Variants in TPCN1 observed in about 807,000 individuals in gnomAD.
The protein encoded by TPCN1 is two pore segment channel 1, also known as two pore channel protein 1.
Under a neutral mutation model 108.8 loss-of-function variants are expected in TPCN1, and 52 were observed. The ratio of observed to expected loss-of-function variants is 0.48; its 90% CI spans 0.38 to 0.60. The LOEUF (loss-of-function observed/expected upper bound fraction) is 0.60, where lower values mean the gene tolerates loss of function less well. Among genes scored for constraint, TPCN1 ranks in the 20% least tolerant of loss-of-function variants. The pLI is 0.00. For synonymous variants in TPCN1, 446 were observed against 433.7 expected (o/e 1.03, Z -0.35); for missense variants, 806 against 1,072.8 (o/e 0.75, Z 3.47).
chr12:113,288,099 T>G lies in TPCN1; in HGVS notation c.1635-64T>G. 1 of 1,501,926 alleles carries G rather than the reference T, an allele frequency of 6.7e-7. No homozygotes were observed. Among genetic ancestry groups the G allele is most frequent in the Admixed American group, 1.8e-5 (1 of 56,076 alleles). 93.0% of individuals were successfully genotyped at this position (1,501,926 alleles called of 1,614,324 possible). The stretch of plus-strand genomic sequence containing the variant: ...GCGTGTGGAAGGCGGGGCCGGCATG[T>G]TCTGAGGGCGGGGGCTGAGGCGTGC... On this transcript the variant is annotated intron_variant, in intron 19 of 27. Coordinates refer to ENST00000335509, the MANE Select transcript of TPCN1 (RefSeq NM_017901.6). The surrounding 1 kb of genome is among the most constrained non-coding windows in gnomAD (Gnocchi z 4.8).
At position 113,268,280 on chromosome 12, in the gene TPCN1, C is replaced by T. The variant is rs1955356418; in HGVS notation, c.528+324C>T. Among the ~76,000 whole-genome samples, 2 of 152,222 alleles carry T rather than the reference C, an allele frequency of 1.3e-5. No individual in the cohort carries two copies. The highest frequency in any genetic ancestry group is 2.4e-5 in the African/African-American group (1 of 41,464). The stretch of plus-strand genomic sequence containing the variant: ...CCAGCTCTGCCCACTGCGCCCGGCT[C>T]ACCTGTCCCTAGTGTTGCGCATATT... On this transcript the variant is annotated intron_variant, in intron 5 of 27. Coordinates refer to ENST00000335509, the MANE Select transcript of TPCN1 (RefSeq NM_017901.6). The surrounding 1 kb of genome is among the most constrained non-coding windows in gnomAD (Gnocchi z 7.3).
intron 3 of TPCN1, among the ~76,000 whole-genome samples, chr12:113,264,382 A>G (rs1185995614): frequency 6.6e-6 from 1 of 152,162 alleles, no homozygotes; most frequent in African/African-American, 2.4e-5. Flanking sequence ...TTCCCAGAAT[A>G]AGTTTGTGAG....
chr12:113,229,350 T>C (rs1321044677), intron 2 of TPCN1, among the ~76,000 whole-genome samples: 2 of 152,174 alleles, frequency 1.3e-5, no homozygotes, highest in Non-Finnish European at 2.9e-5. Flanking sequence ...GGAAGAAGGG[T>C]AGGACCTGTG....
Position 113,297,263 on chromosome 12 carries a change from C to G in TPCN1, c.*1187C>G, listed in dbSNP as rs1956458127. The G allele has an allele frequency of 6.5e-6, 1 of 153,054 alleles. No individual in the cohort carries two copies. Among genetic ancestry groups the G allele is most frequent in the South Asian group, 2.1e-4 (1 of 4,834 alleles). The allele number at this position is 153,054 out of a possible 1,614,324, so 9.5% of individuals were successfully genotyped here. Reference sequence around the variant, plus strand: ...AGTGACCCTGCCACAGAGGCAGGGTCAGTGCAGAGGTCGCTTTGGTTCCGC... The same window carrying G: ...AGTGACCCTGCCACAGAGGCAGGGTGAGTGCAGAGGTCGCTTTGGTTCCGC... On this transcript the variant is annotated 3_prime_UTR_variant, in exon 28 of 28. Transcript: ENST00000335509. The surrounding 1 kb of genome is among the most constrained non-coding windows in gnomAD (Gnocchi z 4.4).
At chr12:113,294,463 C>A (rs1354906140) in intron 27 of TPCN1, among the ~76,000 whole-genome samples, 1 of 152,066 alleles carries the variant, frequency 6.6e-6, no homozygotes, top group African/African-American at 2.4e-5. Flanking sequence ...CCTGTCTCTA[C>A]TAAAATTACA....
chr12:113,280,782 A>C (rs191431901), intron 15 of TPCN1, among the ~76,000 whole-genome samples: 1 of 152,350 alleles, frequency 6.6e-6, no homozygotes, highest in African/African-American at 2.4e-5. Flanking sequence ...ACTAACCTAG[A>C]GGCTTGATCC....
intron 10 of TPCN1, 68 bp from the exon 11 acceptor site, chr12:113,276,851 A>C (rs1593177465): frequency 9.5e-7 from 1 of 1,054,982 alleles, no homozygotes; most frequent in South Asian, 1.3e-5. Flanking sequence ...ATGAACTCAT[A>C]CCCCCCTGCA....
rs533038049 is a variant in TPCN1, at chr12:113,241,352, C to T, written c.112+14388C>T. On this transcript the variant is annotated intron_variant, in intron 2 of 27. Coordinates refer to ENST00000335509, the MANE Select transcript of TPCN1 (RefSeq NM_017901.6). ...TTACTCTTCTTCTGAACAAAGCCACCTGCAGCAGCAGCAGCAGCAGATCCA... is the reference window on the plus strand; with the variant it reads ...TTACTCTTCTTCTGAACAAAGCCACTTGCAGCAGCAGCAGCAGCAGATCCA... 2.0e-5 allele frequency among the ~76,000 whole-genome samples: 3 copies of T among 150,608 alleles called. No homozygotes were observed. The East Asian group carries it at 6.1e-4, about 31-fold the overall frequency.
At chr12:113,281,912 C>CTTTTT (rs1161003553) in intron 15 of TPCN1, among the ~76,000 whole-genome samples, 5 of 119,682 alleles carry the variant, frequency 4.2e-5, no homozygotes, top group Non-Finnish European at 5.2e-5. Flanking sequence ...ATTTGGATTT[C>CTTTTT]TTTTTTTTTT....
chr12:113,246,238 G>C (rs1474560328), intron 2 of TPCN1, among the ~76,000 whole-genome samples: 1 of 152,232 alleles, frequency 6.6e-6, no homozygotes, highest in Non-Finnish European at 1.5e-5. Flanking sequence ...CCAGGATTCA[G>C]GGAGGGAGGT....
intron 2 of TPCN1, among the ~76,000 whole-genome samples, chr12:113,240,747 CTTTTT>C (rs112630841): frequency 7.5e-6 from 1 of 133,782 alleles, no homozygotes; most frequent in South Asian, 2.4e-4. Context: ...CCTGCCCATT[CTTTTT>C]TTTTTTTTTT....
chr12:113,269,764 C>A lies in TPCN1; in HGVS notation c.667C>A (p.Arg223=), dbSNP rs576942556. 7.4e-6 allele frequency: 12 copies of A among 1,613,458 alleles called. No individual in the cohort carries two copies. The South Asian group carries it at 1.3e-4, about 18-fold the overall frequency. The change falls in exon 7 of 28, where the codon CGG becomes AGG. Residue 223 remains arginine (R), a synonymous_variant. Transcript: ENST00000335509. The surrounding 1 kb of genome is among the most constrained non-coding windows in gnomAD (Gnocchi z 5.0). ...TGGCCCATCTCTCCCCAGCAACCTGCGGCAGATCTTCCAGTCCCTGCCGCC... is the reference window on the plus strand; with the variant it reads ...TGGCCCATCTCTCCCCAGCAACCTGAGGCAGATCTTCCAGTCCCTGCCGCC... ...RYCGGVRRNL[R]QIFQSLPPFM... is the part of the protein sequence containing the mutation.
chr12:113,273,728 G>A lies in TPCN1; in HGVS notation c.942+60G>A, dbSNP rs1236416805. On this transcript the variant is annotated intron_variant, in intron 10 of 27. Coordinates refer to ENST00000335509, the MANE Select transcript of TPCN1 (RefSeq NM_017901.6). The surrounding 1 kb of genome is among the most constrained non-coding windows in gnomAD (Gnocchi z 4.0). ...CCTGCCCCTACCCATGCAGCACTAG[G>A]CACTGTGGGAGTGGAGAAGTGGGGA... The A allele has an allele frequency of 4.5e-6, 6 of 1,344,538 alleles. No homozygotes were observed. Among genetic ancestry groups the A allele is most frequent in the African/African-American group, 4.3e-5 (3 of 69,560 alleles). The allele number at this position is 1,344,538 out of a possible 1,614,324, so 83.3% of individuals were successfully genotyped here.
At chr12:113,229,064 C>A (rs1169945602) in intron 2 of TPCN1, among the ~76,000 whole-genome samples, 2 of 152,170 alleles carry the variant, frequency 1.3e-5, no homozygotes, top group Non-Finnish European at 2.9e-5. Flanking sequence ...GTGTCAAGAT[C>A]AGGCTTTGAA....
chr12:113,257,278 G>A (rs1954861172), intron 2 of TPCN1, among the ~76,000 whole-genome samples: 1 of 152,176 alleles, frequency 6.6e-6, no homozygotes, highest in African/African-American at 2.4e-5. Context: ...GATCACCTGA[G>A]GTTCGGAATT....
At chr12:113,281,791 G>C (rs1016009443) in intron 15 of TPCN1, among the ~76,000 whole-genome samples, 20 of 151,932 alleles carry the variant, frequency 1.3e-4, no homozygotes, top group African/African-American at 4.6e-4. Context: ...CTCCTGCCTT[G>C]GCCTCCCGAA....
At chr12:113,246,759 C>A (rs1954406580) in intron 2 of TPCN1, among the ~76,000 whole-genome samples, 2 of 152,158 alleles carry the variant, frequency 1.3e-5, no homozygotes, top group South Asian at 4.1e-4. Context: ...CTGGAAGAAC[C>A]CGTTCTGCTC....
intron 2 of TPCN1, among the ~76,000 whole-genome samples, chr12:113,250,515 AG>A (rs1006716910): frequency 7.9e-5 from 12 of 152,312 alleles, no homozygotes; most frequent in South Asian, 2.1e-4. Flanking sequence ...GTGCCCCTGG[AG>A]GGCAAGGGCT....
chr12:113,268,066 C>G lies in TPCN1; in HGVS notation c.528+110C>G, dbSNP rs775874329. The G allele has an allele frequency of 3.7e-6, 3 of 812,176 alleles. No individual in the cohort carries two copies. Among genetic ancestry groups the G allele is most frequent in the Non-Finnish European group, 6.1e-6 (3 of 490,028 alleles). The allele number at this position is 812,176 out of a possible 1,614,324, so 50.3% of individuals were successfully genotyped here. A position where few individuals can be genotyped will look rare whatever the true frequency, so the allele number is the denominator to read the frequency against. On this transcript the variant is annotated intron_variant, in intron 5 of 27. Transcript: ENST00000335509. The surrounding 1 kb of genome is among the most constrained non-coding windows in gnomAD (Gnocchi z 7.3). ...ATCCACCATGGGCCCAGTCCATGCT[C>G]AGAGGTGTAACCCTAGGGTCCCTGT...
Sources: gnomAD v4.1 joint callset for allele counts (sites outside exome capture counted in the v4.1 genomes callset) on GRCh38, gnomAD v4.1.1 for gene constraint, Gnocchi (gnomAD v3.1) non-coding constraint, MANE v1.5 for transcripts, NCBI Gene and HGNC (gene_info 2026-07-23, HGNC 2026-07-21) for gene names.